The following PLD5 variants were observed in gnomAD, a reference collection of about 807,000 sequenced individuals.
PLD5 encodes phospholipase D family member 5, also known as inactive phospholipase D5.
Under a neutral mutation model 61.1 loss-of-function variants are expected in PLD5, and 36 were observed. The observed-to-expected ratio is 0.59, with a 90% confidence interval of 0.45 to 0.78. PLD5 has a LOEUF of 0.78. PLD5 is among the 30% of genes least tolerant of loss of function. PLD5 has a pLI of 0.00. For missense variants in PLD5, 515 were observed against 644.4 expected, an observed-to-expected ratio of 0.80 and a Z score of 2.17; for synonymous variants, 243 against 242.8, an observed-to-expected ratio of 1.00 and a Z score of -0.01.
chr1:242,351,702 G>A (rs1660486987), intron 1 of PLD5, among the ~76,000 whole-genome samples: 1 of 152,138 alleles, frequency 6.6e-6, no homozygotes, highest in Non-Finnish European at 1.5e-5. Flanking sequence ...ATCCTTCTGA[G>A]AATGCAGAGA....
At position 242,086,331 on chromosome 1, in the gene PLD5, G is replaced by C. The variant is rs1558201060; in HGVS notation, c.*3523C>G. The C allele has an allele frequency of 6.6e-6, 1 of 152,176 alleles. No individual in the cohort carries two copies. The highest frequency in any genetic ancestry group is 1.9e-4 in the East Asian group (1 of 5,198). The allele number at this position is 152,176 out of a possible 1,614,324, so 9.4% of individuals were successfully genotyped here. ...TTCATTCTCTGTGCCACAGGACCTA[G>C]GAAGTCTGCAAAGCATCTCTTTACA... On this transcript the variant is annotated 3_prime_UTR_variant, in exon 10 of 10. Transcript: ENST00000536534.
At chr1:242,237,073 T>C (rs553654120) in intron 4 of PLD5, among the ~76,000 whole-genome samples, 1 of 152,340 alleles carries the variant, frequency 6.6e-6, no homozygotes, top group Non-Finnish European at 1.5e-5. Flanking sequence ...AGAAAGCATG[T>C]GTGATTGTGT....
In PLD5 at chr1:242,239,409, T is replaced by C. The variant is rs779921746; in HGVS notation, c.608-19294A>G. ...TGAGTTACCTTGCATAATTCAATTG[T>C]TTTAAAGCCCGTTAACACTAAGTGC... On this transcript the variant is annotated intron_variant, in intron 4 of 9. Transcript: ENST00000536534. Among the ~76,000 whole-genome samples, 147 of 152,228 alleles carry C rather than the reference T, an allele frequency of 9.7e-4. 2 individuals are homozygous for C. Among genetic ancestry groups the C allele is most frequent in the Non-Finnish European group, 3.7e-4 (25 of 68,026 alleles).
chr1:242,286,388 T>C (rs577574571), intron 3 of PLD5, among the ~76,000 whole-genome samples: 22 of 152,288 alleles, frequency 1.4e-4, no homozygotes, highest in African/African-American at 5.3e-4. Context: ...AAGGGATCGC[T>C]GACCTGTCTC....
At chr1:242,244,093 A>T (rs1012136921) in intron 4 of PLD5, among the ~76,000 whole-genome samples, 2 of 152,194 alleles carry the variant, frequency 1.3e-5, no homozygotes, top group African/African-American at 2.4e-5. Flanking sequence ...AATGACATAT[A>T]TGCACGTATT....
chr1:242,394,916 G>GAA (rs200953886), intron 1 of PLD5, among the ~76,000 whole-genome samples: 33 of 67,400 alleles, frequency 4.9e-4, no homozygotes, highest in South Asian at 1.8e-3. Flanking sequence ...GAATATATAT[G>GAA]TATATATGTA....
chr1:242,275,009 T>C (rs540098053), intron 3 of PLD5, among the ~76,000 whole-genome samples: 17 of 152,260 alleles, frequency 1.1e-4, no homozygotes, highest in African/African-American at 3.8e-4. Context: ...AAGCGCCCAA[T>C]TGCAGAAGAG....
intron 5 of PLD5, among the ~76,000 whole-genome samples, chr1:242,208,064 C>T (rs1180949270): frequency 6.8e-6 from 1 of 147,384 alleles, no homozygotes; most frequent in Non-Finnish European, 1.5e-5. Context: ...CTCTGTCACC[C>T]AGGCTGGTGT....
intron 5 of PLD5, among the ~76,000 whole-genome samples, chr1:242,217,864 A>G (rs553049603): frequency 6.6e-6 from 1 of 152,340 alleles, no homozygotes; most frequent in East Asian, 1.9e-4. Context: ...GTTGCTTCTT[A>G]TGAATGAGCA....
At chr1:242,510,550 A>C (rs567029180) in intron 1 of PLD5, among the ~76,000 whole-genome samples, 13 of 152,342 alleles carry the variant, frequency 8.5e-5, no homozygotes, top group Non-Finnish European at 1.5e-4. Flanking sequence ...AGAGTTTTAT[A>C]AAAAGTTCAA....
chr1:242,290,537 AG>A (rs1425189321), intron 2 of PLD5, among the ~76,000 whole-genome samples: 1 of 152,072 alleles, frequency 6.6e-6, no homozygotes, highest in African/African-American at 2.4e-5. Flanking sequence ...CGCATTTGGG[AG>A]CAACCAAGTG....
At position 242,377,082 on chromosome 1, in the gene PLD5, T is replaced by C. The variant is rs555011492; in HGVS notation, c.190-28840A>G. ...AGGGGAGTCATCCTCGTGGCTGGGT[T>C]TGTTCTCCTGTTGGTTATCTTCCCC... On this transcript the variant is annotated intron_variant, in intron 1 of 9. Coordinates refer to ENST00000536534, the MANE Select transcript of PLD5 (RefSeq NM_001372062.1). The C allele has an allele frequency of 1.1e-5, 17 of 1,611,778 alleles. No individual in the cohort carries two copies. The African/African-American group carries it at 1.1e-4, about 10-fold the overall frequency.
intron 1 of PLD5, among the ~76,000 whole-genome samples, chr1:242,405,201 G>T (rs1664167637): frequency 6.6e-6 from 1 of 152,082 alleles, no homozygotes; most frequent in South Asian, 2.1e-4. Context: ...GAGCAAATCT[G>T]ATATTCTCCC....
intron 1 of PLD5, among the ~76,000 whole-genome samples, chr1:242,493,021 A>G (rs555450080): frequency 3.1e-4 from 47 of 152,206 alleles, no homozygotes; most frequent in Non-Finnish European, 6.2e-4. Flanking sequence ...TGTTTTGAAT[A>G]CACTGCAAAA....
At chr1:242,197,300 C>G (rs1668693350) in intron 5 of PLD5, among the ~76,000 whole-genome samples, 1 of 152,184 alleles carries the variant, frequency 6.6e-6, no homozygotes, top group Non-Finnish European at 1.5e-5. Flanking sequence ...CTTTTCCAAT[C>G]CATTTCCTGA....
At chr1:242,249,285 C>T (rs1364395979) in intron 4 of PLD5, among the ~76,000 whole-genome samples, 3 of 152,196 alleles carry the variant, frequency 2.0e-5, no homozygotes, top group Non-Finnish European at 4.4e-5. Context: ...TGCCCTTCCA[C>T]CTTCTGCCAT....
chr1:242,250,578 C>A (rs753940532), intron 4 of PLD5, among the ~76,000 whole-genome samples: 1 of 152,058 alleles, frequency 6.6e-6, no homozygotes, highest in Non-Finnish European at 1.5e-5. Flanking sequence ...AAATTTAAAT[C>A]GATACATTCT....
intron 1 of PLD5, among the ~76,000 whole-genome samples, chr1:242,396,590 T>C (rs1024057820): frequency 6.6e-6 from 1 of 152,132 alleles, no homozygotes; most frequent in African/African-American, 2.4e-5. Context: ...TTACTTGACC[T>C]ATCAGTGGCA....
At chr1:242,223,726 A>G (rs1041842256) in intron 4 of PLD5, among the ~76,000 whole-genome samples, 4 of 152,168 alleles carry the variant, frequency 2.6e-5, no homozygotes, top group African/African-American at 9.7e-5. Flanking sequence ...ATATTTTTGT[A>G]TATGGTTCAT....
Sources: allele counts gnomAD v4.1 joint callset (sites outside exome capture counted in the v4.1 genomes callset), GRCh38; gene constraint gnomAD v4.1.1; transcripts MANE v1.5; gene names NCBI Gene and HGNC (gene_info 2026-07-23, HGNC 2026-07-21).